The following KIAA0825 variants were observed in gnomAD, a reference collection of about 807,000 sequenced individuals.
The protein encoded by KIAA0825 is KIAA0825.
A neutral mutation model predicts 147.6 loss-of-function variants in KIAA0825; 119 were observed. The observed-to-expected ratio is 0.81, with a 90% CI of 0.69 to 0.94. The LOEUF is 0.94. Ranked by LOEUF, KIAA0825 falls within the 40% of genes least tolerant of loss-of-function variation. The probability of loss-of-function intolerance (pLI) is 0.00; values close to 1 mark genes in which losing one functional copy is unlikely to be tolerated. For synonymous variants in KIAA0825, 470 were observed against 518.1 expected, an observed-to-expected ratio of 0.91 and a Z score of 1.26; for missense variants, 1,381 against 1,472.7, an observed-to-expected ratio of 0.94 and a Z score of 1.02.
At chr5:94,346,739 A>C (rs1280590185) in intron 20 of KIAA0825, among the ~76,000 whole-genome samples, 1 of 152,166 alleles carries the variant, frequency 6.6e-6, no homozygotes, top group Non-Finnish European at 1.5e-5. Flanking sequence ...AGAAGCAGGG[A>C]TTAAAATTAT....
intron 20 of KIAA0825, among the ~76,000 whole-genome samples, chr5:94,265,210 A>G (rs1263387843): frequency 6.6e-6 from 1 of 152,192 alleles, no homozygotes; most frequent in African/African-American, 2.4e-5. Flanking sequence ...TTACTATGTC[A>G]TAACGTTTTG....
At chr5:94,608,168 T>C (rs943110724) in intron 1 of KIAA0825, among the ~76,000 whole-genome samples, 1 of 151,766 alleles carries the variant, frequency 6.6e-6, no homozygotes, top group African/African-American at 2.4e-5. Context: ...ACAGTACTCA[T>C]TGTATTTTTT....
chr5:94,239,903 TC>T (rs1430416025), intron 20 of KIAA0825, among the ~76,000 whole-genome samples: 6 of 152,186 alleles, frequency 3.9e-5, no homozygotes, highest in Non-Finnish European at 5.9e-5. Context: ...TTAACTATGT[TC>T]CATTTAACAC....
chr5:94,217,242 T>G (rs1773286326), intron 20 of KIAA0825, among the ~76,000 whole-genome samples: 1 of 152,150 alleles, frequency 6.6e-6, no homozygotes, highest in Admixed American at 6.5e-5. Flanking sequence ...TTAAAATGAC[T>G]TACGTATCAT....
intron 20 of KIAA0825, among the ~76,000 whole-genome samples, chr5:94,309,245 G>T (rs186716715): frequency 4.0e-5 from 6 of 151,486 alleles, no homozygotes; most frequent in Non-Finnish European, 5.9e-5. Context: ...TTTTAGCCGA[G>T]GAGATAAAAC....
intron 11 of KIAA0825, among the ~76,000 whole-genome samples, 169 bp downstream of exon 11, chr5:94,464,700 G>C (rs1760268888): frequency 6.6e-6 from 1 of 152,122 alleles, no homozygotes; most frequent in Non-Finnish European, 1.5e-5. Flanking sequence ...TTTTGAATCA[G>C]GTTTCATATT....
At chr5:94,335,508 T>G (rs1415639317) in intron 20 of KIAA0825, among the ~76,000 whole-genome samples, 1 of 152,146 alleles carries the variant, frequency 6.6e-6, no homozygotes, top group African/African-American at 2.4e-5. Flanking sequence ...AAACTGGCTT[T>G]ATAACTGATC....
chr5:94,340,154 G>A (rs1214832576), intron 20 of KIAA0825, among the ~76,000 whole-genome samples: 1 of 151,908 alleles, frequency 6.6e-6, no homozygotes, highest in Non-Finnish European at 1.5e-5. Flanking sequence ...GGATCCTCTT[G>A]GATACCAAAA....
chr5:94,354,784 C>T (rs1346756947), intron 20 of KIAA0825, among the ~76,000 whole-genome samples: 1 of 152,140 alleles, frequency 6.6e-6, no homozygotes, highest in Non-Finnish European at 1.5e-5. Context: ...AACTGTCTTA[C>T]AGTGTATAAA....
chr5:94,441,616 T>C (rs1398400060), intron 13 of KIAA0825, among the ~76,000 whole-genome samples: 2 of 152,160 alleles, frequency 1.3e-5, no homozygotes, highest in Non-Finnish European at 1.5e-5. Context: ...GCTGGAGAGT[T>C]AGCCTGACCT....
At chr5:94,471,100 GACA>G (rs1199506140) in intron 9 of KIAA0825, among the ~76,000 whole-genome samples, 3 of 152,150 alleles carry the variant, frequency 2.0e-5, no homozygotes, top group East Asian at 1.9e-4. Context: ...CGCTCCACGA[GACA>G]ACAAGTTTAT....
Position 94,184,443 on chromosome 5 carries a change from G to A in KIAA0825, c.3711-30319C>T, listed in dbSNP as rs561682781. Reference sequence around the variant, plus strand: ...CTCTGAAAAGGCCAACCTACTTGCTGTCCATTTATGGTTTCTTTTCTGCTT... The same window carrying A: ...CTCTGAAAAGGCCAACCTACTTGCTATCCATTTATGGTTTCTTTTCTGCTT... On this transcript the variant is annotated intron_variant, in intron 20 of 20. Coordinates refer to ENST00000682413, the MANE Select transcript of KIAA0825 (RefSeq NM_001145678.3). Among the ~76,000 whole-genome samples the A allele has an allele frequency of 1.8e-3, 270 of 152,238 alleles. 3 individuals carry two copies. The highest frequency in any genetic ancestry group is 0.014 in the Middle Eastern group (4 of 294).
At chr5:94,262,263 G>T (rs2150133183) in intron 20 of KIAA0825, among the ~76,000 whole-genome samples, 1 of 152,096 alleles carries the variant, frequency 6.6e-6, no homozygotes, top group South Asian at 2.1e-4. Context: ...ATCAAATTGA[G>T]AAAGATTTAA....
rs1299816431 is a variant in KIAA0825 at position 94,564,893 on chromosome 5, CTTTTCTTTTCTT to C, written c.-2+17528_-2+17539del. Among the ~76,000 whole-genome samples the C allele has an allele frequency of 5.9e-4, 90 of 151,870 alleles. 2 individuals carry two copies. The highest frequency in any genetic ancestry group is 3.4e-3 in the Middle Eastern group (1 of 294). ...TTTCTAAATCTTTCTTTTATTTTCT[CTTTTCTTTTCTT>C]TTTTCTTTTCTTTTCCTTCCATCCT... On this transcript the variant is annotated intron_variant, in intron 2 of 20. Coordinates refer to ENST00000682413, the MANE Select transcript of KIAA0825 (RefSeq NM_001145678.3).
intron 20 of KIAA0825, among the ~76,000 whole-genome samples, chr5:94,170,588 G>A (rs1768525150): frequency 6.6e-6 from 1 of 152,212 alleles, no homozygotes; most frequent in African/African-American, 2.4e-5. Flanking sequence ...CAAGTAGGCA[G>A]GTAATGTGGC....
chr5:94,391,463 C>A, intron 18 of KIAA0825, 72 bp downstream of exon 18: 13 of 1,468,478 alleles, frequency 8.9e-6, no homozygotes, highest in Non-Finnish European at 1.2e-5. Flanking sequence ...CTTGACTAAC[C>A]CTTAGCTGCC....
chr5:94,396,363 C>G lies in KIAA0825; in HGVS notation c.3034G>C (p.Gly1012Arg). ...ACAATCAAGTTCCAGACAAGCAGGC[C>G]AGCTTTCTTCAATTCAACAAATTTT... Reference protein sequence around the residue: ...SKKFVELKKAGLLVWNLIVII... With the variant: ...SKKFVELKKARLLVWNLIVII... Residue 1012 changes from glycine to arginine, a missense_variant, in exon 17 of 21, where the codon GGC becomes CGC. Coordinates refer to ENST00000682413, the MANE Select transcript of KIAA0825 (RefSeq NM_001145678.3). 1 of 1,550,770 alleles carries G rather than the reference C, an allele frequency of 6.4e-7. No homozygotes were observed. The highest frequency in any genetic ancestry group is 8.7e-7 in the Non-Finnish European group (1 of 1,146,750).
intron 14 of KIAA0825, among the ~76,000 whole-genome samples, chr5:94,423,641 A>G (rs1754481293): frequency 6.6e-6 from 1 of 152,198 alleles, no homozygotes; most frequent in African/African-American, 2.4e-5. Context: ...TTTGGCAACA[A>G]TGTTGTAGAA....
intron 1 of KIAA0825, chr5:94,615,669 CT>C: frequency 6.6e-6 from 1 of 152,140 alleles, no homozygotes; most frequent in African/African-American, 2.4e-5. Flanking sequence ...AGCACATTGC[CT>C]TTTATGAATG....
Sources: allele counts gnomAD v4.1 joint callset (sites outside exome capture counted in the v4.1 genomes callset), GRCh38; gene constraint gnomAD v4.1.1; transcripts MANE v1.5; gene names NCBI Gene and HGNC (gene_info 2026-07-23, HGNC 2026-07-21).